DPP8: variants seen among roughly 807,000 people sequenced by gnomAD.
The protein encoded by DPP8 is DPP VIII.
A neutral mutation model predicts 107.5 loss-of-function variants in DPP8; 31 were observed. That is an observed-to-expected ratio of 0.29 (90% CI 0.22 to 0.39). The LOEUF is 0.39. DPP8 is among the 10% of genes least tolerant of loss of function. The pLI is 1.00. For missense variants in DPP8, 842 were observed against 1,076.1 expected (o/e 0.78, Z 3.04); for synonymous variants, 381 against 356.6 (o/e 1.07, Z -0.77).
At chr15:65,481,052 C>G (rs367791951) in intron 9 of DPP8, among the ~76,000 whole-genome samples, 1 of 151,580 alleles carries the variant, frequency 6.6e-6, no homozygotes, top group East Asian at 1.9e-4. Flanking sequence ...CCACTGCACT[C>G]CAGCCTAGGT....
At chr15:65,455,467 C>G (rs1368074989) in intron 16 of DPP8, 3 of 214,030 alleles carry the variant, frequency 1.4e-5, no homozygotes, top group Non-Finnish European at 2.7e-5. Context: ...TGCAGTAAAG[C>G]AGAAGGAATT....
intron 15 of DPP8, among the ~76,000 whole-genome samples, chr15:65,461,099 T>C (rs896317945): frequency 6.6e-6 from 1 of 152,198 alleles, no homozygotes; most frequent in African/African-American, 2.4e-5. Flanking sequence ...TGAGCATCTT[T>C]TCATGTGGCT....
chr15:65,469,386 G>A (rs1457728227), intron 12 of DPP8, among the ~76,000 whole-genome samples: 3 of 151,676 alleles, frequency 2.0e-5, no homozygotes, highest in Non-Finnish European at 2.9e-5. Context: ...TGGGCGCAGT[G>A]GTCCAGGCCT....
At position 65,460,604 on chromosome 15, in the gene DPP8, T is replaced by C. The variant is rs1595883635; in HGVS notation, c.1971+3157A>G. Among the ~76,000 whole-genome samples, 3 of 152,346 alleles carry C rather than the reference T, an allele frequency of 2.0e-5. No homozygotes were observed. The East Asian group carries it at 5.8e-4, about 29-fold the overall frequency. Reference sequence around the variant, plus strand: ...GTCCTTTTGTGTCTGGCAATAATTATTTCACTTAGCATAATGCCCTCTAGG... The same window carrying C: ...GTCCTTTTGTGTCTGGCAATAATTACTTCACTTAGCATAATGCCCTCTAGG... On this transcript the variant is annotated intron_variant, in intron 15 of 19. Transcript: ENST00000300141.
chr15:65,448,894 A>G (rs1299092954), intron 19 of DPP8, among the ~76,000 whole-genome samples: 5,117 of 79,154 alleles, frequency 0.065, 1,063 homozygotes, highest in African/African-American at 0.25. Flanking sequence ...ATATATATAT[A>G]TATATATATA....
At chr15:65,455,039 T>C (rs2064293976) in intron 16 of DPP8, among the ~76,000 whole-genome samples, 2 of 152,250 alleles carry the variant, frequency 1.3e-5, no homozygotes, top group African/African-American at 2.4e-5. Flanking sequence ...ATTTGTTCTG[T>C]TGTCTGCTAA....
intron 17 of DPP8, among the ~76,000 whole-genome samples, chr15:65,453,904 T>C (rs1232651693): frequency 6.6e-6 from 1 of 152,068 alleles, no homozygotes; most frequent in Non-Finnish European, 1.5e-5. Flanking sequence ...GGTCAGGAGT[T>C]TGAGACCAGC....
intron 3 of DPP8, among the ~76,000 whole-genome samples, chr15:65,504,094 G>C (rs1216403414): frequency 6.6e-6 from 1 of 152,078 alleles, no homozygotes; most frequent in Non-Finnish European, 1.5e-5. Context: ...CGGGTGCAGT[G>C]GCTCACGCCT....
At chr15:65,495,164 T>A (rs2068454993) in intron 5 of DPP8, among the ~76,000 whole-genome samples, 1 of 152,156 alleles carries the variant, frequency 6.6e-6, no homozygotes, top group African/African-American at 2.4e-5. Flanking sequence ...ACAAACACCA[T>A]GATGTCTTTT....
At chr15:65,505,336 T>C (rs910111617) in intron 3 of DPP8, among the ~76,000 whole-genome samples, 20 of 132,926 alleles carry the variant, frequency 1.5e-4, no homozygotes, top group Middle Eastern at 3.3e-3. Context: ...GCCTGGGCGA[T>C]AGAGTGAGAC....
At chr15:65,464,250 C>G (rs1322958955) in intron 14 of DPP8, among the ~76,000 whole-genome samples, 1 of 152,136 alleles carries the variant, frequency 6.6e-6, no homozygotes, top group African/African-American at 2.4e-5. Context: ...GTAGCCCCAG[C>G]TACTCGGGAG....
intron 3 of DPP8, among the ~76,000 whole-genome samples, chr15:65,501,321 C>A (rs2069214209): frequency 6.6e-6 from 1 of 152,074 alleles, no homozygotes; most frequent in Non-Finnish European, 1.5e-5. Context: ...TAGATGATTA[C>A]TGTATACATT....
At chr15:65,453,203 C>T (rs941172376) in intron 17 of DPP8, among the ~76,000 whole-genome samples, 3 of 152,092 alleles carry the variant, frequency 2.0e-5, no homozygotes, top group Admixed American at 1.3e-4. Flanking sequence ...CTACTATATG[C>T]CCAGCATTGT....
chr15:65,500,861 A>G, intron 3 of DPP8, 82 bp from the exon 4 acceptor site: 2 of 891,626 alleles, frequency 2.2e-6, no homozygotes, highest in South Asian at 3.9e-5. Flanking sequence ...AGAATCTCCA[A>G]CATTATTGAC....
rs189043654 is a variant in DPP8, at chr15:65,454,499, C to T, written c.2119-84G>A. 10 of 1,190,398 alleles carry T rather than the reference C, an allele frequency of 8.4e-6. No individual in the cohort carries two copies. The Admixed American group carries it at 2.4e-4, about 29-fold the overall frequency. The allele number at this position is 1,190,398 out of a possible 1,614,324, so 73.7% of individuals were successfully genotyped here. Reference sequence around the variant, plus strand: ...CTTTCAAAGATGATAAATGTTTTTACTAAAAATACCTGTAGGTGTTTTAAT... The same window carrying T: ...CTTTCAAAGATGATAAATGTTTTTATTAAAAATACCTGTAGGTGTTTTAAT... On this transcript the variant is annotated intron_variant, in intron 16 of 19. Coordinates refer to ENST00000300141, the MANE Select transcript of DPP8 (RefSeq NM_130434.5).
At chr15:65,475,611 T>C in intron 11 of DPP8, 2 of 991,258 alleles carry the variant, frequency 2.0e-6, no homozygotes, top group Non-Finnish European at 3.2e-6. Context: ...ATATCAGCTA[T>C]TTCAACAAGG....
intron 10 of DPP8, 28 bp downstream of exon 10, chr15:65,480,194 T>C (rs1048442145): frequency 1.3e-6 from 2 of 1,580,766 alleles, no homozygotes; most frequent in Non-Finnish European, 1.7e-6. Flanking sequence ...GAGAAAATAT[T>C]TAAACAAATA....
chr15:65,444,750 T>C lies in DPP8; in HGVS notation c.*2134A>G, dbSNP rs1353513307. The C allele has an allele frequency of 6.6e-6, 1 of 152,152 alleles. No homozygotes were observed. The highest frequency in any genetic ancestry group is 1.5e-5 in the Non-Finnish European group (1 of 68,034). 9.4% of individuals were successfully genotyped at this position (152,152 alleles called of 1,614,324 possible). On this transcript the variant is annotated 3_prime_UTR_variant, in exon 20 of 20. Coordinates refer to ENST00000300141, the MANE Select transcript of DPP8 (RefSeq NM_130434.5). Reference sequence around the variant, plus strand: ...GTTTTCTAAGTTTGTTTCGGTAAAATAAGAGATGCCACTTTGAAGAAACAG... The same window carrying C: ...GTTTTCTAAGTTTGTTTCGGTAAAACAAGAGATGCCACTTTGAAGAAACAG...
chr15:65,503,764 A>G (rs2069551376), intron 3 of DPP8, among the ~76,000 whole-genome samples: 1 of 152,072 alleles, frequency 6.6e-6, no homozygotes, highest in African/African-American at 2.4e-5. Context: ...CTAGGATTAC[A>G]GGCACCTGCC....
Sources: gnomAD v4.1 joint callset for allele counts (sites outside exome capture counted in the v4.1 genomes callset) on GRCh38, gnomAD v4.1.1 for gene constraint, MANE v1.5 for transcripts, NCBI Gene and HGNC (gene_info 2026-07-23, HGNC 2026-07-21) for gene names.